The following TDRKH variants were observed in gnomAD, a reference collection of about 807,000 sequenced individuals.
The protein encoded by TDRKH is tudor and KH domain containing.
In TDRKH, 28 loss-of-function variants were observed where a neutral mutation model predicts 61.3. The ratio of observed to expected loss-of-function variants is 0.46; its 90% CI spans 0.34 to 0.63. The LOEUF (loss-of-function observed/expected upper bound fraction) is 0.63, where lower values mean the gene tolerates loss of function less well. Among genes scored for constraint, TDRKH ranks in the 20% least tolerant of loss-of-function variants. The probability of loss-of-function intolerance (pLI) is 0.01; values close to 1 mark genes in which losing one functional copy is unlikely to be tolerated. For synonymous variants in TDRKH, 219 were observed against 244.4 expected (o/e 0.90, Z 0.97); for missense variants, 540 against 683.4 (o/e 0.79, Z 2.34).
At chr1:151,771,974 T>C (rs1014079896), downstream of TDRKH, 1 of 398,626 alleles carries the variant, frequency 2.5e-6, no homozygotes, top group Non-Finnish European at 4.4e-6. Context: ...AGCGAGTTCA[T>C]TGCAGGCAAC....
At chr1:151,766,892 C>T (rs767397855), downstream of TDRKH, 23 of 1,598,834 alleles carry the variant, frequency 1.4e-5, no homozygotes, top group Admixed American at 2.0e-4. Flanking sequence ...ATAAAAGGTA[C>T]TTGTTTTCAT....
At chr1:151,775,314 G>T in intron 10 of TDRKH, 78 bp downstream of exon 10, 1 of 1,559,366 alleles carries the variant, frequency 6.4e-7, no homozygotes, top group South Asian at 1.2e-5. Flanking sequence ...TCAGATAAGG[G>T]TTTCTGAGGA....
intron 1 of TDRKH, among the ~76,000 whole-genome samples, chr1:151,789,748 C>T (rs1650721135): frequency 6.6e-6 from 1 of 152,266 alleles, no homozygotes; most frequent in South Asian, 2.1e-4. Flanking sequence ...ATAACCAGAA[C>T]CTACAAAGAA....
downstream of TDRKH, among the ~76,000 whole-genome samples, chr1:151,772,646 A>G (rs1218530301): frequency 6.6e-6 from 1 of 152,172 alleles, no homozygotes; most frequent in Non-Finnish European, 1.5e-5. Flanking sequence ...AAGTACTTCA[A>G]GCCTCGCATT....
At chr1:151,767,072 A>C, downstream of TDRKH, 5 of 1,534,198 alleles carry the variant, frequency 3.3e-6, no homozygotes, top group Non-Finnish European at 4.4e-6. Flanking sequence ...TGGACAACAG[A>C]AAATACAGAA....
intron 1 of TDRKH, among the ~76,000 whole-genome samples, chr1:151,786,005 C>A (rs1650277747): frequency 1.3e-5 from 2 of 152,066 alleles, no homozygotes; most frequent in African/African-American, 4.8e-5. Flanking sequence ...TACAAAAATT[C>A]AACCCAAATA....
chr1:151,780,124 CCTGT>C lies in TDRKH; in HGVS notation c.244_247del (p.Thr82ValfsTer11). On this transcript the variant is annotated frameshift_variant, in exon 4 of 13. Coordinates refer to ENST00000368824, the MANE Select transcript of TDRKH (RefSeq NM_001083965.2). LOFTEE classifies it high-confidence loss of function. The stretch of plus-strand genomic sequence containing the variant: ...CTCTGTGTCCACATCAATCCGAGCA[CCTGT>C]CTGTTTCCGCAGCTGCAAAGAAAAG... 6.8e-6 allele frequency: 11 copies of C among 1,611,836 alleles called. No homozygotes were observed. The highest frequency in any genetic ancestry group is 2.2e-5 in the East Asian group (1 of 44,784).
intron 1 of TDRKH, among the ~76,000 whole-genome samples, chr1:151,784,286 C>T (rs182801026): frequency 1.3e-5 from 2 of 152,332 alleles, no homozygotes; most frequent in African/African-American, 4.8e-5. Context: ...GTTTTCTTTC[C>T]TCTCTACTGG....
At chr1:151,787,192 T>TC (rs1650394338) in intron 1 of TDRKH, among the ~76,000 whole-genome samples, 1 of 152,218 alleles carries the variant, frequency 6.6e-6, no homozygotes, top group Non-Finnish European at 1.5e-5. Flanking sequence ...TAGAAAGAAT[T>TC]TGACTTCTTT....
chr1:151,780,251 T>C (rs1359895212), intron 3 of TDRKH, 111 bp from the exon 4 acceptor site: 16 of 986,050 alleles, frequency 1.6e-5, no homozygotes, highest in Non-Finnish European at 2.4e-5. Flanking sequence ...CCAAAGGAAT[T>C]AGCTAATACT....
In TDRKH at chr1:151,774,375, C is replaced by G; in HGVS notation, c.*77G>C. The G allele has an allele frequency of 6.5e-7, 1 of 1,536,108 alleles. No homozygotes were observed. Among genetic ancestry groups the G allele is most frequent in the Non-Finnish European group, 8.9e-7 (1 of 1,119,004 alleles). ...AAGTGCCCCACTGTCGCCCTCATTA[C>G]TTTCCTGTTGCTACAGATAGATGAT... On this transcript the variant is annotated 3_prime_UTR_variant, in exon 13 of 13. Coordinates refer to ENST00000368824, the MANE Select transcript of TDRKH (RefSeq NM_001083965.2).
At chr1:151,767,235 T>C (rs373752887), downstream of TDRKH, 1 of 1,613,986 alleles carries the variant, frequency 6.2e-7, no homozygotes, top group Non-Finnish European at 8.5e-7. Context: ...GAGTCCCTAG[T>C]AGGCCTCCAG....
chr1:151,775,714 AG>A, intron 9 of TDRKH, 105 bp downstream of exon 9: 1 of 1,501,364 alleles, frequency 6.7e-7, no homozygotes, highest in Non-Finnish European at 9.1e-7. Flanking sequence ...AAGGCACCTG[AG>A]TCCCCAGAAT....
At chr1:151,787,390 T>C (rs1191736501) in intron 1 of TDRKH, among the ~76,000 whole-genome samples, 1 of 152,160 alleles carries the variant, frequency 6.6e-6, no homozygotes, top group Non-Finnish European at 1.5e-5. Flanking sequence ...AGCTAATTTA[T>C]GTATTTTTAG....
In TDRKH at chr1:151,776,314, G is replaced by A. The variant is rs529470017; in HGVS notation, c.1045-46C>T. The A allele has an allele frequency of 3.7e-6, 6 of 1,604,012 alleles. No individual in the cohort carries two copies. In the Admixed American group the frequency reaches 5.1e-5, roughly 14 times the overall value. Reference sequence around the variant, plus strand: ...AAAGGCAGAGAGTTACAAAGTGGTAGGCTCATAAACAGAATTGCAGGAGGA... The same window carrying A: ...AAAGGCAGAGAGTTACAAAGTGGTAAGCTCATAAACAGAATTGCAGGAGGA... On this transcript the variant is annotated intron_variant, in intron 7 of 12. Transcript: ENST00000368824.
In TDRKH at chr1:151,786,890, G is replaced by A. The variant is rs142810823; in HGVS notation, c.-28+3490C>T. The stretch of plus-strand genomic sequence containing the variant: ...ATCTGAGGGAATACTGTTCTCTCCC[G>A]ACCTTTTTAGAATGTAGGACAGAAA... On this transcript the variant is annotated intron_variant, in intron 1 of 12. Coordinates refer to ENST00000368824, the MANE Select transcript of TDRKH (RefSeq NM_001083965.2). Among the ~76,000 whole-genome samples the A allele has an allele frequency of 7.1e-3, 1,078 of 152,216 alleles. 11 individuals carry two copies. The highest frequency in any genetic ancestry group is 0.024 in the African/African-American group (1,006 of 41,512).
chr1:151,789,081 G>A (rs1305348129), intron 1 of TDRKH, among the ~76,000 whole-genome samples: 1 of 152,130 alleles, frequency 6.6e-6, no homozygotes. Flanking sequence ...ACAGAGCCTT[G>A]GTCTGTCACC....
downstream of TDRKH, chr1:151,770,369 C>T: frequency 7.0e-7 from 1 of 1,421,098 alleles, no homozygotes; most frequent in South Asian, 1.4e-5. Flanking sequence ...TCAGGCATTT[C>T]AGGGATTCTT....
downstream of TDRKH, chr1:151,770,213 T>C (rs115069090): frequency 8.9e-4 from 1,444 of 1,613,870 alleles, 17 homozygotes; most frequent in African/African-American, 0.017. Context: ...AAGACAAATG[T>C]GGACTCTGTG....
Sources: gnomAD v4.1 joint callset for allele counts (sites outside exome capture counted in the v4.1 genomes callset) on GRCh38, gnomAD v4.1.1 for gene constraint, MANE v1.5 for transcripts, NCBI Gene and HGNC (gene_info 2026-07-23, HGNC 2026-07-21) for gene names.